Variants in ZFP1 observed in about 807,000 individuals in gnomAD.
The protein encoded by ZFP1 is ZFP1 zinc finger protein, also known as zinc finger protein 1 homolog.
Under a neutral mutation model 38.5 loss-of-function variants are expected in ZFP1, and 32 were observed. The observed-to-expected ratio is 0.83, with a 90% CI of 0.63 to 1.12. ZFP1 has a LOEUF of 1.12. Among genes scored for constraint, ZFP1 ranks in the 50% most tolerant of loss-of-function variants. The pLI, the probability that ZFP1 is intolerant of heterozygous loss-of-function variation, is 0.00. For synonymous variants in ZFP1, 245 were observed against 168.8 expected (o/e 1.45, Z -3.50); for missense variants, 616 against 480.8 (o/e 1.28, Z -2.63).
At chr16:75,161,529 G>T (rs1336250635) in intron 2 of ZFP1, among the ~76,000 whole-genome samples, 2 of 150,890 alleles carry the variant, frequency 1.3e-5, no homozygotes, top group Non-Finnish European at 2.9e-5. Context: ...AGTTTTTATG[G>T]TTTGCCTGTC....
At chr16:75,160,532 G>C (rs547931090) in intron 2 of ZFP1, among the ~76,000 whole-genome samples, 2 of 151,816 alleles carry the variant, frequency 1.3e-5, no homozygotes, top group Admixed American at 1.3e-4. Flanking sequence ...GGTGGCACTT[G>C]TCTGTAACCC....
intron 2 of ZFP1, among the ~76,000 whole-genome samples, chr16:75,154,886 T>G (rs939526415): frequency 2.6e-5 from 4 of 152,110 alleles, no homozygotes; most frequent in Non-Finnish European, 5.9e-5. Flanking sequence ...CAACCTCCCC[T>G]TCCCAGGTTC....
At chr16:75,134,132 T>C in the ZFP1 span, among the ~76,000 whole-genome samples, 1 of 152,208 alleles carries the variant, frequency 6.6e-6, no homozygotes, top group African/African-American at 2.4e-5. Context: ...GTATAGGATT[T>C]CTTTCAAGAT....
chr16:75,139,939 T>G, the ZFP1 span, among the ~76,000 whole-genome samples: 1 of 152,132 alleles, frequency 6.6e-6, no homozygotes, highest in East Asian at 1.9e-4. Flanking sequence ...GTTAAGATAG[T>G]AAATTTTATT....
At chr16:75,148,456 G>A (rs8058619), upstream of ZFP1, 1 of 152,200 alleles carries the variant, frequency 6.6e-6, no homozygotes, top group Non-Finnish European at 1.5e-5. Flanking sequence ...CCACCCCTCC[G>A]AGGACCCTGG....
intron 2 of ZFP1, among the ~76,000 whole-genome samples, chr16:75,163,162 C>G (rs1307150311): frequency 3.9e-5 from 6 of 152,006 alleles, no homozygotes; most frequent in Admixed American, 3.9e-4. Context: ...CTGCCTCGGC[C>G]TCCCAAAGTG....
chr16:75,165,895 T>G (rs1325741102), intron 2 of ZFP1, among the ~76,000 whole-genome samples: 2 of 152,190 alleles, frequency 1.3e-5, no homozygotes, highest in Non-Finnish European at 2.9e-5. Context: ...CACATATCTT[T>G]TAGGCTCCTT....
intron 2 of ZFP1, among the ~76,000 whole-genome samples, chr16:75,159,197 C>T (rs1005377982): frequency 1.3e-5 from 2 of 151,250 alleles, no homozygotes; most frequent in Non-Finnish European, 3.0e-5. Context: ...TGCCTGGCCT[C>T]GTTGTTTTGG....
At chr16:75,156,685 G>A (rs911832136) in intron 2 of ZFP1, among the ~76,000 whole-genome samples, 1 of 152,108 alleles carries the variant, frequency 6.6e-6, no homozygotes, top group Non-Finnish European at 1.5e-5. Flanking sequence ...TTTTTGGTAC[G>A]AATATAATTA....
At chr16:75,142,768 T>A in the ZFP1 span, among the ~76,000 whole-genome samples, 1 of 152,142 alleles carries the variant, frequency 6.6e-6, no homozygotes, top group East Asian at 1.9e-4. Flanking sequence ...AGTGGTGCGA[T>A]CTCAGCTCAC....
At chr16:75,121,440 A>G in the ZFP1 span, among the ~76,000 whole-genome samples, 66 of 152,232 alleles carry the variant, frequency 4.3e-4, no homozygotes, top group Middle Eastern at 6.8e-3. Flanking sequence ...CTTTAATTTT[A>G]TGTTTGATTT....
the ZFP1 span, among the ~76,000 whole-genome samples, chr16:75,137,568 CT>C: frequency 3.7e-3 from 147 of 39,680 alleles, no homozygotes; most frequent in Non-Finnish European, 0.011. Flanking sequence ...TCACGCCATT[CT>C]CCTGCCTCCT....
At chr16:75,155,922 T>C (rs1004587862) in intron 2 of ZFP1, among the ~76,000 whole-genome samples, 4 of 152,228 alleles carry the variant, frequency 2.6e-5, no homozygotes, top group African/African-American at 9.6e-5. Flanking sequence ...TTTTGTCTAA[T>C]TGGTGGAGGT....
At chr16:75,127,768 A>G in the ZFP1 span, 1 of 152,198 alleles carries the variant, frequency 6.6e-6, no homozygotes, top group African/African-American at 2.4e-5. Flanking sequence ...AACTAATAGA[A>G]GTCTGAAGTA....
chr16:75,141,449 C>T, the ZFP1 span, among the ~76,000 whole-genome samples: 1 of 151,924 alleles, frequency 6.6e-6, no homozygotes, highest in African/African-American at 2.4e-5. Context: ...TTGTGATCCG[C>T]CCGCCTCGGC....
chr16:75,140,583 C>T, the ZFP1 span, among the ~76,000 whole-genome samples: 2 of 152,220 alleles, frequency 1.3e-5, no homozygotes, highest in African/African-American at 4.8e-5. Flanking sequence ...CACAGCTGTG[C>T]TCTGGCATGG....
At chr16:75,123,136 G>A in the ZFP1 span, among the ~76,000 whole-genome samples, 101 of 151,622 alleles carry the variant, frequency 6.7e-4, 3 homozygotes, top group East Asian at 0.017. Context: ...AGTGGATCAC[G>A]TGAGGTCAGA....
the ZFP1 span, among the ~76,000 whole-genome samples, chr16:75,123,455 G>GTATGTGTATA: frequency 5.7e-5 from 5 of 87,298 alleles, no homozygotes; most frequent in Non-Finnish European, 1.1e-4. Context: ...GTGTGTATAT[G>GTATGTGTATA]TATATATATA....
At chr16:75,148,449 C>G (rs913638439), upstream of ZFP1, 1 of 152,260 alleles carries the variant, frequency 6.6e-6, no homozygotes, top group Non-Finnish European at 1.5e-5. Flanking sequence ...GGATGGTCCA[C>G]CCCTCCGAGG....
Sources: allele counts gnomAD v4.1 joint callset (sites outside exome capture counted in the v4.1 genomes callset), GRCh38; gene constraint gnomAD v4.1.1; transcripts MANE v1.5; gene names NCBI Gene and HGNC (gene_info 2026-07-23, HGNC 2026-07-21).